Variants in GMDS observed in about 807,000 individuals in gnomAD.
GMDS encodes the protein GDP-mannose 4,6 dehydratase.
In GMDS, 20 loss-of-function variants were observed where a neutral mutation model predicts 49.9. That is an observed-to-expected ratio of 0.40 (90% CI 0.28 to 0.58). The LOEUF is 0.58. Ranked by LOEUF, GMDS falls within the 20% of genes least tolerant of loss-of-function variation. GMDS has a pLI of 0.42. For synonymous variants in GMDS, 177 were observed against 178.6 expected (o/e 0.99, Z 0.07); for missense variants, 362 against 481.4 (o/e 0.75, Z 2.32).
chr6:1,967,459 C>T (rs1422245125), intron 4 of GMDS, among the ~76,000 whole-genome samples: 1 of 152,144 alleles, frequency 6.6e-6, no homozygotes, highest in Non-Finnish European at 1.5e-5. Flanking sequence ...AATGATAAAA[C>T]AAGTTTGATA....
At chr6:1,706,853 C>T (rs565420859) in intron 9 of GMDS, among the ~76,000 whole-genome samples, 1 of 152,194 alleles carries the variant, frequency 6.6e-6, no homozygotes, top group East Asian at 1.9e-4. Flanking sequence ...TGCATGGTGG[C>T]ATTTGGAAGG....
chr6:2,124,243 T>C, intron 2 of GMDS, among the ~76,000 whole-genome samples: 1 of 152,216 alleles, frequency 6.6e-6, no homozygotes, highest in Admixed American at 6.5e-5. Flanking sequence ...TATGGTTGCC[T>C]ATTAGAAAGG....
intron 1 of GMDS, among the ~76,000 whole-genome samples, chr6:2,189,288 T>A (rs1283008763): frequency 5.9e-5 from 9 of 151,502 alleles, no homozygotes; most frequent in Admixed American, 5.9e-4. Context: ...GAGGTAGGAG[T>A]AGGTTGAGAG....
intron 4 of GMDS, among the ~76,000 whole-genome samples, chr6:2,061,798 T>C (rs1157735655): frequency 6.6e-6 from 1 of 150,760 alleles, no homozygotes; most frequent in Admixed American, 6.6e-5. Flanking sequence ...GGAATGATCA[T>C]TACAGATGCT....
At chr6:1,911,519 A>G (rs1344917027) in intron 7 of GMDS, among the ~76,000 whole-genome samples, 1 of 151,748 alleles carries the variant, frequency 6.6e-6, no homozygotes, top group East Asian at 1.9e-4. Context: ...AGACGTTTAT[A>G]TTTTAATTTC....
At chr6:1,827,521 A>T (rs1006458429) in intron 7 of GMDS, among the ~76,000 whole-genome samples, 3 of 152,114 alleles carry the variant, frequency 2.0e-5, no homozygotes, top group Non-Finnish European at 4.4e-5. Context: ...GAAAAGTCCT[A>T]AGGTAGATTC....
intron 9 of GMDS, among the ~76,000 whole-genome samples, chr6:1,698,395 A>T (rs911313780): frequency 2.0e-5 from 3 of 152,232 alleles, no homozygotes; most frequent in African/African-American, 7.2e-5. Flanking sequence ...CGTGTGGTCC[A>T]AACACACACT....
At chr6:1,983,235 G>A (rs754879901) in intron 4 of GMDS, among the ~76,000 whole-genome samples, 19 of 151,958 alleles carry the variant, frequency 1.3e-4, no homozygotes, top group Admixed American at 4.6e-4. Context: ...AACTCAACAC[G>A]GACTAAAGAC....
chr6:1,991,980 T>C (rs1424481265), intron 4 of GMDS, among the ~76,000 whole-genome samples: 1 of 152,152 alleles, frequency 6.6e-6, no homozygotes, highest in Non-Finnish European at 1.5e-5. Flanking sequence ...TGCAAATCCC[T>C]AGATGCGAGG....
At chr6:1,943,920 T>C (rs1378751397) in intron 6 of GMDS, among the ~76,000 whole-genome samples, 1 of 152,224 alleles carries the variant, frequency 6.6e-6, no homozygotes, top group Non-Finnish European at 1.5e-5. Flanking sequence ...ATTCAGTCTA[T>C]GTAAGAATGA....
intron 6 of GMDS, chr6:1,951,821 T>C: frequency 1.4e-6 from 1 of 725,522 alleles, no homozygotes; most frequent in Non-Finnish European, 1.7e-6. Context: ...TTGTAATTAT[T>C]TCTGTCAAAC....
intron 6 of GMDS, among the ~76,000 whole-genome samples, chr6:1,941,502 G>T (rs1762822425): frequency 6.6e-6 from 1 of 152,148 alleles, no homozygotes; most frequent in Admixed American, 6.5e-5. Context: ...AGACAGAAAC[G>T]TGACCTTGAT....
rs1332641375 is a variant in GMDS at position 2,078,941 on chromosome 6, G to A, written c.345+36830C>T. ...TTATCCTATGAATCTTGTTGCTCCAGTGTTGGACACATATATATTTAGAGC... is the reference window on the plus strand; with the variant it reads ...TTATCCTATGAATCTTGTTGCTCCAATGTTGGACACATATATATTTAGAGC... On this transcript the variant is annotated intron_variant, in intron 4 of 10. Transcript: ENST00000380815. Among the ~76,000 whole-genome samples, 6 of 147,860 alleles carry A rather than the reference G, an allele frequency of 4.1e-5. No individual in the cohort carries two copies. In the South Asian group the frequency reaches 1.3e-3, roughly 32 times the overall value.
intron 4 of GMDS, among the ~76,000 whole-genome samples, chr6:2,087,223 C>A (rs1394627307): frequency 1.3e-5 from 2 of 152,176 alleles, no homozygotes; most frequent in Admixed American, 1.3e-4. Flanking sequence ...TGTCATGATT[C>A]ATTTCTTGAT....
chr6:1,939,526 CAT>C (rs979155299), intron 6 of GMDS, among the ~76,000 whole-genome samples: 1 of 150,752 alleles, frequency 6.6e-6, no homozygotes, highest in Non-Finnish European at 1.5e-5. Flanking sequence ...TATACACACA[CAT>C]ATATATACAC....
intron 1 of GMDS, among the ~76,000 whole-genome samples, chr6:2,238,775 T>C (rs1208257635): frequency 1.3e-5 from 2 of 152,182 alleles, no homozygotes; most frequent in Non-Finnish European, 2.9e-5. Context: ...TTCCCTGATT[T>C]GAACTTTACA....
At chr6:1,840,982 G>A (rs1031581689) in intron 7 of GMDS, among the ~76,000 whole-genome samples, 2 of 152,138 alleles carry the variant, frequency 1.3e-5, no homozygotes, top group Non-Finnish European at 2.9e-5. Context: ...CAGGACAGAC[G>A]GAAACTTATG....
intron 7 of GMDS, among the ~76,000 whole-genome samples, chr6:1,775,144 G>T (rs771209044): frequency 6.6e-6 from 1 of 152,234 alleles, no homozygotes; most frequent in African/African-American, 2.4e-5. Context: ...AAGAGATGGA[G>T]AATTATGCTA....
At chr6:2,080,861 GGGTATT>G (rs1394548995) in intron 4 of GMDS, among the ~76,000 whole-genome samples, 1 of 152,114 alleles carries the variant, frequency 6.6e-6, no homozygotes, top group African/African-American at 2.4e-5. Flanking sequence ...GTCACTTCCT[GGGTATT>G]TCATCTCAGG....
Sources: gnomAD v4.1 joint callset for allele counts (sites outside exome capture counted in the v4.1 genomes callset) on GRCh38, gnomAD v4.1.1 for gene constraint, MANE v1.5 for transcripts, NCBI Gene and HGNC (gene_info 2026-07-23, HGNC 2026-07-21) for gene names.